Variants in COMMD10 observed in about 807,000 individuals in gnomAD.
The protein encoded by COMMD10 is COMM domain containing 10.
A neutral mutation model predicts 28.9 loss-of-function variants in COMMD10; 33 were observed. The observed-to-expected ratio is 1.14, with a 90% CI of 0.87 to 1.53. COMMD10 has a LOEUF of 1.53. Ranked by LOEUF, COMMD10 falls within the 40% of genes most tolerant of loss-of-function variation. COMMD10 has a pLI of 0.00. For synonymous variants in COMMD10, 110 were observed against 81.7 expected, an observed-to-expected ratio of 1.35 and a Z score of -1.87; for missense variants, 310 against 233.4, an observed-to-expected ratio of 1.33 and a Z score of -2.14.
intron 5 of COMMD10, among the ~76,000 whole-genome samples, chr5:116,140,265 G>A (rs901985749): frequency 6.0e-5 from 9 of 150,056 alleles, no homozygotes; most frequent in African/African-American, 2.2e-4. Context: ...GTATGTGTCT[G>A]TCTGTATATA....
chr5:116,158,701 C>T (rs1236558970), intron 5 of COMMD10, among the ~76,000 whole-genome samples: 2 of 151,812 alleles, frequency 1.3e-5, no homozygotes, highest in East Asian at 1.9e-4. Flanking sequence ...TTACTTAATC[C>T]TTAGTGTGAA....
At chr5:116,092,411 C>G (rs1298294477) in intron 3 of COMMD10, 134 bp from the exon 4 acceptor site, 2 of 516,640 alleles carry the variant, frequency 3.9e-6, no homozygotes, top group Non-Finnish European at 6.3e-6. Context: ...GTAAAATAAC[C>G]AAAAATGTTG....
At chr5:116,246,878 A>G (rs954311482) in intron 5 of COMMD10, among the ~76,000 whole-genome samples, 4 of 152,152 alleles carry the variant, frequency 2.6e-5, no homozygotes, top group Non-Finnish European at 5.9e-5. Flanking sequence ...AAACCCCTGG[A>G]AGACAACCTA....
chr5:116,133,352 A>G (rs1420962766), intron 4 of COMMD10, among the ~76,000 whole-genome samples: 1 of 152,144 alleles, frequency 6.6e-6, no homozygotes, highest in Non-Finnish European at 1.5e-5. Context: ...TTCCTTTACT[A>G]TTTTTGTCTT....
intron 5 of COMMD10, among the ~76,000 whole-genome samples, chr5:116,180,202 A>G (rs994332802): frequency 6.6e-6 from 1 of 152,122 alleles, no homozygotes; most frequent in African/African-American, 2.4e-5. Context: ...GTACATTTTC[A>G]GTTATATGTA....
intron 5 of COMMD10, among the ~76,000 whole-genome samples, chr5:116,164,150 C>T (rs192657711): frequency 1.7e-3 from 260 of 152,168 alleles, no homozygotes; most frequent in African/African-American, 5.9e-3. Context: ...AACCCTGCCT[C>T]TACTAAGAAT....
At chr5:116,235,077 G>A (rs1344042612) in intron 5 of COMMD10, among the ~76,000 whole-genome samples, 2 of 152,144 alleles carry the variant, frequency 1.3e-5, no homozygotes, top group East Asian at 1.9e-4. Flanking sequence ...TATAATTTCA[G>A]ATCTGTGCCT....
chr5:116,278,572 A>C (rs1229356727), intron 5 of COMMD10, among the ~76,000 whole-genome samples: 1 of 151,924 alleles, frequency 6.6e-6, no homozygotes, highest in Non-Finnish European at 1.5e-5. Flanking sequence ...CAACAAGTCA[A>C]GTGACCTAAT....
chr5:116,199,900 G>A (rs1748620274), intron 5 of COMMD10, among the ~76,000 whole-genome samples: 1 of 152,066 alleles, frequency 6.6e-6, no homozygotes, highest in African/African-American at 2.4e-5. Flanking sequence ...CTTTTAAAGG[G>A]TGATTTCAAA....
chr5:116,264,165 G>T (rs4921089), intron 5 of COMMD10, among the ~76,000 whole-genome samples: 148,344 of 151,692 alleles, frequency 0.98, 72,692 homozygotes, highest in East Asian at 1. Flanking sequence ...CTGTATAGGA[G>T]CCATCTGGCT....
chr5:116,117,380 CATATATGTGTGAATCTCACCTT>C (rs1473843444), intron 4 of COMMD10, among the ~76,000 whole-genome samples: 1 of 152,160 alleles, frequency 6.6e-6, no homozygotes, highest in South Asian at 2.1e-4. Flanking sequence ...TGGGAAAAGT[CATATATGTGTGAATCTCACCTT>C]GAGTGGTTTC....
chr5:116,117,032 G>T (rs1252158343), intron 4 of COMMD10, among the ~76,000 whole-genome samples: 2 of 151,838 alleles, frequency 1.3e-5, no homozygotes, highest in Admixed American at 6.6e-5. Flanking sequence ...TTAACGTAAT[G>T]GACTCATATA....
intron 5 of COMMD10, among the ~76,000 whole-genome samples, chr5:116,184,105 G>A (rs1389332034): frequency 6.6e-6 from 1 of 151,972 alleles, no homozygotes; most frequent in East Asian, 1.9e-4. Flanking sequence ...AATGACTAGT[G>A]AAAGAAGTTT....
chr5:116,272,829 T>C (rs1010028083), intron 5 of COMMD10, among the ~76,000 whole-genome samples: 2 of 151,816 alleles, frequency 1.3e-5, no homozygotes, highest in African/African-American at 4.9e-5. Context: ...AATTGAGATG[T>C]CTGTGGTGTT....
chr5:116,112,046 C>T (rs1751061304), intron 4 of COMMD10, among the ~76,000 whole-genome samples: 1 of 152,118 alleles, frequency 6.6e-6, no homozygotes, highest in East Asian at 1.9e-4. Flanking sequence ...GATGGGGTTG[C>T]CCTGTCTCTT....
At chr5:116,168,225 C>A (rs1753198624) in intron 5 of COMMD10, among the ~76,000 whole-genome samples, 1 of 147,146 alleles carries the variant, frequency 6.8e-6, no homozygotes, top group Admixed American at 6.8e-5. Flanking sequence ...CAACAAAGAT[C>A]AAAAAAGACA....
intron 4 of COMMD10, among the ~76,000 whole-genome samples, chr5:116,132,771 A>G (rs532619609): frequency 1.4e-4 from 21 of 152,244 alleles, no homozygotes; most frequent in African/African-American, 4.6e-4. Context: ...ATCAGAGACT[A>G]TGCTTGCTGT....
At chr5:116,146,182 T>A (rs59447269) in intron 5 of COMMD10, among the ~76,000 whole-genome samples, 1 of 151,658 alleles carries the variant, frequency 6.6e-6, no homozygotes, top group African/African-American at 2.4e-5. Flanking sequence ...CTGCATCACC[T>A]TGGAAACAAG....
Position 116,085,106 on chromosome 5 carries a change from T to C in COMMD10, c.41+13T>C, listed in dbSNP as rs2112700969. 6 of 1,607,792 alleles carry C rather than the reference T, an allele frequency of 3.7e-6. No individual in the cohort carries two copies. Among genetic ancestry groups the C allele is most frequent in the Admixed American group, 1.7e-5 (1 of 59,552 alleles). The stretch of plus-strand genomic sequence containing the variant: ...GGGAGAGCCCCAGGTAGCTGATCCG[T>C]TAAGCTCTTGCGGTAGCCGCGCCCA... On this transcript the variant is annotated intron_variant, in intron 1 of 6. Transcript: ENST00000274458.
Sources: allele counts gnomAD v4.1 joint callset (sites outside exome capture counted in the v4.1 genomes callset), GRCh38; gene constraint gnomAD v4.1.1; transcripts MANE v1.5; gene names NCBI Gene and HGNC (gene_info 2026-07-23, HGNC 2026-07-21).